Variants in CSTF2 observed in about 807,000 individuals in gnomAD.
The protein encoded by CSTF2 is cleavage stimulation factor subunit 2, also known as CF-1 64 kDa subunit.
Under a neutral mutation model 45.4 loss-of-function variants are expected in CSTF2, and 8 were observed. That is an observed-to-expected ratio of 0.18 (90% CI 0.10 to 0.32). The LOEUF (loss-of-function observed/expected upper bound fraction) is 0.32. CSTF2 is among the 10% of genes least tolerant of loss of function. The probability of loss-of-function intolerance (pLI) is 1.00; values close to 1 mark genes in which losing one functional copy is unlikely to be tolerated. For missense variants in CSTF2, 253 were observed against 477.1 expected (o/e 0.53, Z 4.38); for synonymous variants, 155 against 158.9 (o/e 0.98, Z 0.18).
At chrX:100,827,288 GAA>G (rs1221774445) in intron 7 of CSTF2, among the ~76,000 whole-genome samples, 1 of 112,030 alleles carries the variant, frequency 8.9e-6, no homozygotes. Flanking sequence ...GGGAAAAAGA[GAA>G]ATTTAAAAGC....
chrX:100,823,865 T>A (rs770384471), intron 4 of CSTF2, 21 bp from the exon 5 acceptor site: 2 of 1,206,340 alleles, frequency 1.7e-6, no homozygotes, highest in South Asian at 3.6e-5. Context: ...GTATTAAACC[T>A]GAATCTGCTT....
chrX:100,828,027 C>T lies in CSTF2; in HGVS notation c.827-13C>T. ...TAATTGGTGTTTTTTCTTGTCTGCC[C>T]TTTATCTTCTAGGAGGAATGCAGGC... On this transcript the variant is annotated splice_polypyrimidine_tract_variant and intron_variant, in intron 7 of 13. Transcript: ENST00000372972. 1 of 1,201,421 alleles carries T rather than the reference C, an allele frequency of 8.3e-7. No homozygotes were observed.
At position 100,822,423 on chromosome X, in the gene CSTF2, G is replaced by A. The variant is rs1481267805; in HGVS notation, c.307+3G>A. 8.3e-7 allele frequency: 1 copy of A among 1,208,190 alleles called. No homozygotes were observed. The highest frequency in any genetic ancestry group is 1.1e-6 in the Non-Finnish European group (1 of 892,767). On this transcript the variant is annotated splice_donor_region_variant and intron_variant, in intron 3 of 13. Coordinates refer to ENST00000372972, the MANE Select transcript of CSTF2 (RefSeq NM_001325.3). ...AAAGAACAAAGAAGAGCTGAAGAGT[G>A]AGTACAAATCCAACTTGGATGCAGT...
chrX:100,824,465 G>A (rs769937535), intron 6 of CSTF2, among the ~76,000 whole-genome samples: 5 of 111,960 alleles, frequency 4.5e-5, no homozygotes, highest in South Asian at 3.7e-4. Flanking sequence ...GATCCTTCCC[G>A]TATGCCCTTT....
At position 100,832,837 on chromosome X, in the gene CSTF2, G is replaced by C; in HGVS notation, c.1135G>C (p.Glu379Gln). 8.3e-7 allele frequency: 1 copy of C among 1,209,601 alleles called. No individual in the cohort carries two copies. Among genetic ancestry groups the C allele is most frequent in the Non-Finnish European group, 1.1e-6 (1 of 894,336 alleles). ...PHELRGGPLP[E>Q]PRPLMAEPRG... ...TGAACTGAGGGGAGGGCCATTACCCGAGCCCAGACCTCTAATGGCAGAACC... is the reference window on the plus strand; with the variant it reads ...TGAACTGAGGGGAGGGCCATTACCCCAGCCCAGACCTCTAATGGCAGAACC... The change falls in exon 10 of 14, where the codon GAG becomes CAG. Residue 379 changes from glutamate (E) to glutamine (Q), a missense_variant. Around this residue, in one of 3 missense-constraint regions of CSTF2, gnomAD observed 200 missense variants for 294.0 expected, o/e 0.68. Coordinates refer to ENST00000372972, the MANE Select transcript of CSTF2 (RefSeq NM_001325.3).
intron 11 of CSTF2, 25 bp downstream of exon 11, chrX:100,833,497 A>C (rs779234483): frequency 2.6e-5 from 31 of 1,170,230 alleles, no homozygotes; most frequent in Non-Finnish European, 3.5e-5. Flanking sequence ...GACTTCTGGC[A>C]TCCAAGTGAA....
rs758813834 is a variant in CSTF2, at chrX:100,821,694, GTGAC to G, written c.137+91_137+94del. 4.5e-3 allele frequency: 2,763 copies of G among 614,709 alleles called. 30 individuals are homozygous for G. Among genetic ancestry groups the G allele is most frequent in the Non-Finnish European group, 2.3e-3 (859 of 375,145 alleles). 50.7% of individuals were successfully genotyped at this position (614,709 alleles called of 1,213,427 possible). Reference sequence around the variant, plus strand: ...TAATAATGGCAGGTTTTCTTTACTGGTGACTTTTCACATACATTTTGTTCTTGTA... The same window carrying G: ...TAATAATGGCAGGTTTTCTTTACTGGTTTTCACATACATTTTGTTCTTGTA... On this transcript the variant is annotated intron_variant, in intron 2 of 13. Transcript: ENST00000372972.
chrX:100,830,746 G>T, intron 8 of CSTF2: 3 of 841,225 alleles, frequency 3.6e-6, no homozygotes, highest in Non-Finnish European at 5.1e-6. Flanking sequence ...GTGTTTCTGC[G>T]TGTGTATGCA....
chrX:100,829,188 C>T (rs993384415), intron 8 of CSTF2, among the ~76,000 whole-genome samples: 3 of 111,920 alleles, frequency 2.7e-5, no homozygotes, highest in Non-Finnish European at 5.6e-5. Flanking sequence ...AAGTGGAACC[C>T]ATTTAAAAAG....
intron 11 of CSTF2, among the ~76,000 whole-genome samples, chrX:100,836,230 A>T (rs2085007605): frequency 8.9e-6 from 1 of 112,728 alleles, no homozygotes; most frequent in East Asian, 2.8e-4. Context: ...AAAAAATTAT[A>T]AAAAGTATTT....
At position 100,833,455 on chromosome X, in the gene CSTF2, C is replaced by T; in HGVS notation, c.1483C>T (p.Pro495Ser). ...TCCAATTAACATGGGGGCGGTTGTC[C>T]CCCAGGGATCCAGACAGGTATGTGT... ...PSPINMGAVV[P>S]QGSRQVPVMQ... Residue 495 changes from proline (P) to serine (S), a missense_variant, in exon 11 of 14, where the codon CCC (proline) becomes TCC (serine). By Grantham distance (74) the Pro-to-Ser change is moderately conservative. Transcript: ENST00000372972. 1 of 1,206,253 alleles carries T rather than the reference C, an allele frequency of 8.3e-7. No homozygotes were observed. Among genetic ancestry groups the T allele is most frequent in the Non-Finnish European group, 1.1e-6 (1 of 892,556 alleles).
intron 11 of CSTF2, among the ~76,000 whole-genome samples, chrX:100,834,178 A>T (rs948788357): frequency 1.8e-5 from 2 of 111,063 alleles, no homozygotes; most frequent in Non-Finnish European, 3.8e-5. Context: ...GAGTTTTTAT[A>T]TGCTGGCACC....
rs763153530 is a variant in CSTF2, at chrX:100,839,854, A to C, written c.*4-860A>C. Among the ~76,000 whole-genome samples, 261 of 112,346 alleles carry C rather than the reference A, an allele frequency of 2.3e-3. 1 individual carries two copies. The highest frequency in any genetic ancestry group is 8.0e-3 in the African/African-American group (249 of 31,001). ...ACTGTTTCTGGATAGTAGAGGTAGA[A>C]ATGTTTCTGAAATTTCTTTCATTAT... On this transcript the variant is annotated intron_variant, in intron 13 of 13. Coordinates refer to ENST00000372972, the MANE Select transcript of CSTF2 (RefSeq NM_001325.3).
At chrX:100,834,713 C>T (rs2084997434) in intron 11 of CSTF2, among the ~76,000 whole-genome samples, 1 of 112,182 alleles carries the variant, frequency 8.9e-6, no homozygotes, top group Admixed American at 9.4e-5. Flanking sequence ...TACTATGTAC[C>T]AAACATAGAT....
In CSTF2 at chrX:100,832,863, A is replaced by T; in HGVS notation, c.1161A>T (p.Pro387=). ...AGCCCAGACCTCTAATGGCAGAACC[A>T]AGAGGACCCATGCTAGATCAGAGGG... The part of the protein sequence containing the change: ...LPEPRPLMAE[P]RGPMLDQRGP... Residue 387 remains proline, a synonymous_variant, in exon 10 of 14, where the codon CCA becomes CCT. Transcript: ENST00000372972. The T allele has an allele frequency of 1.7e-6, 2 of 1,208,458 alleles. No homozygotes were observed. Among genetic ancestry groups the T allele is most frequent in the Non-Finnish European group, 2.2e-6 (2 of 893,624 alleles).
In CSTF2 at chrX:100,826,755, G is replaced by C. The variant is rs1460723350; in HGVS notation, c.824G>C (p.Gly275Ala). Reference protein sequence around the residue: ...TGPGPGSLAPGGGMQAQVGMP... With the variant: ...TGPGPGSLAPAGGMQAQVGMP... ...CCTGGCCCTGGTTCCTTAGCTCCTG[G>C]AGGTAAGTTTCATTTAGTCTTCACC... The change falls in exon 7 of 14, where the codon GGA becomes GCA. Residue 275 changes from glycine to alanine, a missense_variant and splice_region_variant. Physicochemically the swap from Gly to Ala is moderately conservative, Grantham distance 60 (BLOSUM62 0). Coordinates refer to ENST00000372972, the MANE Select transcript of CSTF2 (RefSeq NM_001325.3). 1 of 1,207,106 alleles carries C rather than the reference G, an allele frequency of 8.3e-7. No individual in the cohort carries two copies. The highest frequency in any genetic ancestry group is 1.1e-6 in the Non-Finnish European group (1 of 893,680).
In CSTF2 at chrX:100,820,487, C is replaced by G; in HGVS notation, c.58+13C>G. On this transcript the variant is annotated intron_variant, in intron 1 of 13. Coordinates refer to ENST00000372972, the MANE Select transcript of CSTF2 (RefSeq NM_001325.3). ...CGTTCTGTGTTCGGTGAGAGGAATT[C>G]GTTGTAGTCAAGCTTCGGGGAGGGA... 3.3e-6 allele frequency: 4 copies of G among 1,207,702 alleles called. No individual in the cohort carries two copies. The highest frequency in any genetic ancestry group is 4.5e-6 in the Non-Finnish European group (4 of 891,470).
chrX:100,830,773 T>C (rs1436540404), intron 8 of CSTF2: 1 of 1,091,437 alleles, frequency 9.2e-7, no homozygotes, highest in Admixed American at 2.6e-5. Flanking sequence ...TTTAAGTGTC[T>C]GCTCTTTCTC....
rs1392071590 is a variant in CSTF2, at chrX:100,820,785, T to G, written c.58+311T>G. The stretch of plus-strand genomic sequence containing the variant: ...ACAGCTCCTCACTGTCCCGTACTAC[T>G]TCTCATCCTCTGCCCCAGAATACAG... On this transcript the variant is annotated intron_variant, in intron 1 of 13. Coordinates refer to ENST00000372972, the MANE Select transcript of CSTF2 (RefSeq NM_001325.3). 7.4e-6 allele frequency: 3 copies of G among 406,295 alleles called. No individual in the cohort carries two copies. The African/African-American group carries it at 7.4e-5, about 10-fold the overall frequency. 33.5% of individuals were successfully genotyped at this position (406,295 alleles called of 1,213,427 possible). A position where few individuals can be genotyped will look rare whatever the true frequency, so the allele number is the denominator to read the frequency against.
Sources: allele counts gnomAD v4.1 joint callset (sites outside exome capture counted in the v4.1 genomes callset), GRCh38; gene constraint gnomAD v4.1.1; regional missense constraint gnomAD v4.1.1; transcripts MANE v1.5; gene names NCBI Gene and HGNC (gene_info 2026-07-23, HGNC 2026-07-21).